Variants in AOX1 observed in about 807,000 individuals in gnomAD.
The protein encoded by AOX1 is aldehyde oxidase.
AOX1 carries 153 observed loss-of-function variants against 169.5 expected under a neutral mutation model. The ratio of observed to expected loss-of-function variants is 0.90; its 90% CI spans 0.79 to 1.03. The LOEUF (loss-of-function observed/expected upper bound fraction) is 1.03, where lower values mean the gene tolerates loss of function less well. AOX1 is among the 50% of genes least tolerant of loss of function. The pLI is 0.00. For missense variants in AOX1, 1,656 were observed against 1,663.9 expected (o/e 1.00, Z 0.08); for synonymous variants, 562 against 581.9 (o/e 0.97, Z 0.49).
chr2:200,672,179 G>A (rs774670603), downstream of AOX1, among the ~76,000 whole-genome samples: 2 of 152,144 alleles, frequency 1.3e-5, no homozygotes, highest in Non-Finnish European at 2.9e-5. Context: ...ATTCCTTTTC[G>A]GGGTGAGAAA....
chr2:200,637,698 C>T (rs188228977), intron 22 of AOX1, among the ~76,000 whole-genome samples: 2 of 152,116 alleles, frequency 1.3e-5, no homozygotes, highest in East Asian at 3.9e-4. Flanking sequence ...TCATTTGTAT[C>T]GCCATTTTCC....
intron 18 of AOX1, among the ~76,000 whole-genome samples, chr2:200,623,295 T>A (rs926422634): frequency 4.6e-5 from 7 of 152,200 alleles, no homozygotes; most frequent in African/African-American, 1.4e-4. Flanking sequence ...AGGCGAATAA[T>A]CCTAGCTGTC....
intron 14 of AOX1, among the ~76,000 whole-genome samples, chr2:200,613,197 T>C (rs2034682792): frequency 6.6e-6 from 1 of 152,202 alleles, no homozygotes; most frequent in South Asian, 2.1e-4. Flanking sequence ...TATCTAAAGA[T>C]GACACTAATA....
In AOX1 at chr2:200,593,203, C is replaced by T. The variant is rs752882911; in HGVS notation, c.103C>T (p.Leu35Phe). Residue 35 changes from leucine to phenylalanine, a missense_variant and splice_region_variant, in exon 2 of 35, where the codon CTT (leucine) becomes TTT (phenylalanine). Physicochemically the swap from Leu to Phe is conservative, Grantham distance 22. Coordinates refer to ENST00000374700, the MANE Select transcript of AOX1 (RefSeq NM_001159.4). The stretch of plus-strand genomic sequence containing the variant: ...GCTGTTGCCTTATTTGAGGAAGAAG[C>T]GTATCCTTTTCTTTACTTTGACTGT... ...TMLLPYLRKK[L>F]RLTGTKYGCG... 3.0e-5 allele frequency: 48 copies of T among 1,612,688 alleles called. No individual in the cohort carries two copies. The highest frequency in any genetic ancestry group is 6.7e-5 in the Admixed American group (4 of 60,002).
intron 16 of AOX1, among the ~76,000 whole-genome samples, chr2:200,616,460 C>T (rs2034760862): frequency 6.6e-6 from 1 of 152,174 alleles, no homozygotes; most frequent in East Asian, 1.9e-4. Flanking sequence ...AAAGACACAG[C>T]CCCTAGAGGT....
chr2:200,611,453 A>G lies in AOX1; in HGVS notation c.1223A>G (p.Gln408Arg). 6.2e-7 allele frequency: 1 copy of G among 1,614,030 alleles called. No homozygotes were observed. The highest frequency in any genetic ancestry group is 1.1e-5 in the South Asian group (1 of 91,062). Residue 408 changes from glutamine (Q) to arginine (R), a missense_variant, in exon 13 of 35, where the codon CAA becomes CGA. Physicochemically the swap from Gln to Arg is conservative, Grantham distance 43 (BLOSUM62 1). Coordinates refer to ENST00000374700, the MANE Select transcript of AOX1 (RefSeq NM_001159.4). ...TGCCCTAATGCAGATCTTAAGCCTC[A>G]AGAAATCTTGGTCTCAGTGAACATC... ...SKCPNADLKP[Q>R]EILVSVNIPY...
intron 27 of AOX1, among the ~76,000 whole-genome samples, chr2:200,657,190 A>ATATATATATATATATATATATAT: frequency 3.2e-5 from 2 of 62,882 alleles, no homozygotes; most frequent in Non-Finnish European, 5.2e-5. Flanking sequence ...ATATATATAT[A>ATATATATATATATATATATATAT]TTTTTTTTTT....
At chr2:200,635,262 T>A (rs1559248392) in intron 21 of AOX1, among the ~76,000 whole-genome samples, 1 of 152,214 alleles carries the variant, frequency 6.6e-6, no homozygotes, top group African/African-American at 2.4e-5. Context: ...AGCCTTTTGT[T>A]TGTGGATTGT....
chr2:200,639,729 A>G (rs1435930816), intron 23 of AOX1, among the ~76,000 whole-genome samples: 3 of 152,156 alleles, frequency 2.0e-5, no homozygotes, highest in African/African-American at 7.2e-5. Context: ...TAAAGAAGGT[A>G]AAAGATAGGT....
intron 34 of AOX1, among the ~76,000 whole-genome samples, chr2:200,670,029 C>G (rs956221040): frequency 1.3e-5 from 2 of 151,980 alleles, no homozygotes; most frequent in Non-Finnish European, 2.9e-5. Flanking sequence ...TGCTCCCTTC[C>G]TAGGACACCT....
chr2:200,659,756 T>C (rs2035776710), intron 28 of AOX1, among the ~76,000 whole-genome samples: 1 of 151,454 alleles, frequency 6.6e-6, no homozygotes, highest in Non-Finnish European at 1.5e-5. Context: ...CTTGACTTTT[T>C]AGCATGGCTT....
At chr2:200,608,305 A>G (rs185421033) in intron 10 of AOX1, among the ~76,000 whole-genome samples, 39 of 152,348 alleles carry the variant, frequency 2.6e-4, no homozygotes, top group African/African-American at 8.9e-4. Flanking sequence ...TGTAACAACT[A>G]TTCAATGAAG....
At chr2:200,616,603 G>T (rs538540112) in intron 16 of AOX1, among the ~76,000 whole-genome samples, 1 of 152,186 alleles carries the variant, frequency 6.6e-6, no homozygotes, top group African/African-American at 2.4e-5. Flanking sequence ...TGAATCAAAC[G>T]TAAGTACTAA....
At chr2:200,664,629 G>T (rs2035894027) in intron 31 of AOX1, among the ~76,000 whole-genome samples, 1 of 152,210 alleles carries the variant, frequency 6.6e-6, no homozygotes, top group Non-Finnish European at 1.5e-5. Flanking sequence ...AGCCTCATCA[G>T]ATGCCTTCAT....
chr2:200,632,218 A>T (rs186828957), intron 20 of AOX1, among the ~76,000 whole-genome samples: 13 of 151,872 alleles, frequency 8.6e-5, no homozygotes, highest in African/African-American at 2.2e-4. Flanking sequence ...TTAGAATTTC[A>T]TTTTGATTAA....
chr2:200,651,156 C>T lies in AOX1; in HGVS notation c.3030C>T (p.Val1010=), dbSNP rs533768777. 2 of 1,614,156 alleles carry T rather than the reference C, an allele frequency of 1.2e-6. No individual in the cohort carries two copies. Among genetic ancestry groups the T allele is most frequent in the Admixed American group, 3.3e-5 (2 of 60,020 alleles). The part of the protein sequence containing the change: ...NYWKKKGLAM[V]PLKFPVGLGS... Reference sequence around the variant, plus strand: ...GGAAGAAGAAAGGACTGGCCATGGTCCCCCTGAAGTTTCCTGTTGGCCTTG... The same window carrying T: ...GGAAGAAGAAAGGACTGGCCATGGTTCCCCTGAAGTTTCCTGTTGGCCTTG... The change falls in exon 26 of 35, where the codon GTC becomes GTT. Residue 1010 remains valine, a synonymous_variant. Coordinates refer to ENST00000374700, the MANE Select transcript of AOX1 (RefSeq NM_001159.4).
chr2:200,606,307 T>C (rs2034512706), intron 10 of AOX1, among the ~76,000 whole-genome samples: 1 of 152,228 alleles, frequency 6.6e-6, no homozygotes. Flanking sequence ...TGTGTGGTTT[T>C]ATTTCTAAGG....
chr2:200,611,639 T>G (rs1163712726), intron 13 of AOX1, 146 bp downstream of exon 13: 2 of 613,094 alleles, frequency 3.3e-6, no homozygotes, highest in Non-Finnish European at 5.8e-6. Flanking sequence ...AGGTCATTAT[T>G]TTAAGACTTG....
rs759445635 is a variant in AOX1 at position 200,621,260 on chromosome 2, GCTTT to G, written c.2001+17_2001+20del. ...GCGACAGATAAGGTACTGCATTTTTGCTTTCTATTTGAAAAATAACTTTCTCAGT... is the reference window on the plus strand; with the variant it reads ...GCGACAGATAAGGTACTGCATTTTTGCTATTTGAAAAATAACTTTCTCAGT... On this transcript the variant is annotated intron_variant, in intron 18 of 34. Coordinates refer to ENST00000374700, the MANE Select transcript of AOX1 (RefSeq NM_001159.4). 1.9e-6 allele frequency: 3 copies of G among 1,605,888 alleles called. No homozygotes were observed. The highest frequency in any genetic ancestry group is 2.5e-6 in the Non-Finnish European group (3 of 1,177,794).
Sources: gnomAD v4.1 joint callset for allele counts (sites outside exome capture counted in the v4.1 genomes callset) on GRCh38, gnomAD v4.1.1 for gene constraint, MANE v1.5 for transcripts, NCBI Gene and HGNC (gene_info 2026-07-23, HGNC 2026-07-21) for gene names.